The following LY96 variants were observed in gnomAD, a reference collection of about 807,000 sequenced individuals.
LY96 encodes the protein myeloid differentiation protein-2.
In LY96, 18 loss-of-function variants were observed where a neutral mutation model predicts 18.9. That is an observed-to-expected ratio of 0.95 (90% CI 0.66 to 1.41). The LOEUF (loss-of-function observed/expected upper bound fraction) is 1.41. LY96 is among the 40% of genes most tolerant of loss of function. The pLI, the probability that LY96 is intolerant of heterozygous loss-of-function variation, is 0.00. For missense variants in LY96, 175 were observed against 182.4 expected (o/e 0.96, Z 0.23); for synonymous variants, 66 against 62.6 (o/e 1.06, Z -0.26).
At chr8:74,036,413 G>A in the LY96 span, among the ~76,000 whole-genome samples, 1 of 152,102 alleles carries the variant, frequency 6.6e-6, no homozygotes, top group South Asian at 2.1e-4. Context: ...AGATCACAAG[G>A]TTTGTGTCTT....
downstream of LY96, among the ~76,000 whole-genome samples, chr8:74,031,725 T>C (rs1322018976): frequency 1.3e-5 from 2 of 151,450 alleles, no homozygotes; most frequent in African/African-American, 4.9e-5. Context: ...TAAAACTAAA[T>C]GGATAAAGAG....
At chr8:74,097,541 C>G in the LY96 span, among the ~76,000 whole-genome samples, 1 of 152,038 alleles carries the variant, frequency 6.6e-6, no homozygotes, top group Non-Finnish European at 1.5e-5. Flanking sequence ...AACCCCGTCT[C>G]TCCTAAAAAA....
intron 1 of LY96, among the ~76,000 whole-genome samples, chr8:73,998,498 A>G (rs2131255288): frequency 6.6e-6 from 1 of 152,090 alleles, no homozygotes; most frequent in African/African-American, 2.4e-5. Flanking sequence ...CAACATAGTG[A>G]GGCCCCATCT....
intron 3 of LY96, among the ~76,000 whole-genome samples, chr8:74,021,289 A>G (rs1273425571): frequency 6.6e-6 from 1 of 152,250 alleles, no homozygotes; most frequent in Non-Finnish European, 1.5e-5. Flanking sequence ...TCAAAAGAAG[A>G]CATTTATGCA....
the LY96 span, among the ~76,000 whole-genome samples, chr8:74,063,272 C>T: frequency 2.1e-4 from 32 of 152,182 alleles, no homozygotes; most frequent in African/African-American, 7.5e-4. Context: ...CCTTATATGA[C>T]TTATTAGAAG....
chr8:74,009,222 C>T lies in LY96; in HGVS notation c.203-779C>T, dbSNP rs151083732. ...CCAGCCTGGCCAAGATGGTGAAACC[C>T]CATCTCTACTAAAAATACAAAAATT... On this transcript the variant is annotated intron_variant, in intron 2 of 4. Transcript: ENST00000284818. Among the ~76,000 whole-genome samples, 12 of 151,186 alleles carry T rather than the reference C, an allele frequency of 7.9e-5. No homozygotes were observed. In the East Asian group the frequency reaches 2.3e-3, roughly 29 times the overall value.
the LY96 span, among the ~76,000 whole-genome samples, chr8:74,081,645 C>T: frequency 4.0e-5 from 6 of 151,838 alleles, no homozygotes; most frequent in Admixed American, 1.3e-4. Flanking sequence ...TTTCCCACCT[C>T]GGCTGGTGTT....
chr8:73,997,117 A>C (rs1816165936), intron 1 of LY96, among the ~76,000 whole-genome samples: 1 of 152,158 alleles, frequency 6.6e-6, no homozygotes, highest in Admixed American at 6.5e-5. Flanking sequence ...TTGGCCTCCC[A>C]ACGTGTCGGG....
chr8:74,069,750 CCA>C, the LY96 span, among the ~76,000 whole-genome samples: 1 of 151,996 alleles, frequency 6.6e-6, no homozygotes, highest in Non-Finnish European at 1.5e-5. Flanking sequence ...TTACAGGAAC[CCA>C]CCATCATGCT....
chr8:73,994,148 C>A (rs1327374132), intron 1 of LY96, among the ~76,000 whole-genome samples: 4 of 152,100 alleles, frequency 2.6e-5, no homozygotes, highest in Non-Finnish European at 5.9e-5. Flanking sequence ...CCATGCCTGG[C>A]TAATTTGATT....
chr8:74,075,896 G>A, the LY96 span, among the ~76,000 whole-genome samples: 2 of 152,184 alleles, frequency 1.3e-5, no homozygotes, highest in Non-Finnish European at 2.9e-5. Context: ...CACGGTTTGG[G>A]TGCAGGATGA....
At chr8:74,039,649 C>T in the LY96 span, among the ~76,000 whole-genome samples, 1 of 152,034 alleles carries the variant, frequency 6.6e-6, no homozygotes, top group Non-Finnish European at 1.5e-5. Flanking sequence ...GGACAGGGGG[C>T]CCTTCCCTTT....
the LY96 span, among the ~76,000 whole-genome samples, chr8:74,080,630 C>G: frequency 1.3e-5 from 2 of 152,226 alleles, no homozygotes; most frequent in Non-Finnish European, 2.9e-5. Context: ...TCCTCCCACA[C>G]TGTTACTGAT....
intron 2 of LY96, among the ~76,000 whole-genome samples, chr8:74,007,831 C>T (rs141717659): frequency 0.011 from 1,705 of 152,244 alleles, 19 homozygotes; most frequent in African/African-American, 0.029. Context: ...GTGATCTCGG[C>T]GCACTGCAGC....
chr8:74,074,913 A>G, the LY96 span, among the ~76,000 whole-genome samples: 1 of 152,180 alleles, frequency 6.6e-6, no homozygotes, highest in South Asian at 2.1e-4. Context: ...CACATGATCT[A>G]TCCTTGAGAA....
At chr8:73,998,121 A>G (rs1420445704) in intron 1 of LY96, among the ~76,000 whole-genome samples, 1 of 152,186 alleles carries the variant, frequency 6.6e-6, no homozygotes, top group East Asian at 1.9e-4. Flanking sequence ...GGAACCCACC[A>G]AAAGTTACCA....
intron 1 of LY96, among the ~76,000 whole-genome samples, chr8:73,998,047 G>A (rs1207937804): frequency 6.6e-6 from 1 of 152,174 alleles, no homozygotes; most frequent in African/African-American, 2.4e-5. Context: ...AGGATGGGAG[G>A]TGGGGCTAAA....
chr8:74,018,675 A>G lies in LY96; in HGVS notation c.332-8114A>G, dbSNP rs1298358328. On this transcript the variant is annotated intron_variant, in intron 3 of 4. Coordinates refer to ENST00000284818, the MANE Select transcript of LY96 (RefSeq NM_015364.5). ...CAAAATTGACCACATAGTTGGAAGT[A>G]AAGCACTCCTCAGCAAATGTAAAAG... Among the ~76,000 whole-genome samples the G allele has an allele frequency of 2.6e-5, 4 of 152,228 alleles. 1 individual carries two copies. The highest frequency in any genetic ancestry group is 5.9e-5 in the Non-Finnish European group (4 of 68,042).
At chr8:74,069,368 T>G in the LY96 span, among the ~76,000 whole-genome samples, 8 of 152,178 alleles carry the variant, frequency 5.3e-5, no homozygotes, top group African/African-American at 1.9e-4. Flanking sequence ...GTGGACATTT[T>G]GTGGCTAGCA....
Sources: gnomAD v4.1 joint callset for allele counts (sites outside exome capture counted in the v4.1 genomes callset) on GRCh38, gnomAD v4.1.1 for gene constraint, MANE v1.5 for transcripts, NCBI Gene and HGNC (gene_info 2026-07-23, HGNC 2026-07-21) for gene names.